FNDC3B: variants seen among roughly 807,000 people sequenced by gnomAD.
FNDC3B encodes the protein fibronectin type III domain containing 3B.
In FNDC3B, 12 loss-of-function variants were observed where a neutral mutation model predicts 151.5. The ratio of observed to expected loss-of-function variants is 0.08; its 90% CI spans 0.05 to 0.13. The LOEUF (loss-of-function observed/expected upper bound fraction) is 0.13. Among genes scored for constraint, FNDC3B ranks in the 10% least tolerant of loss-of-function variants. FNDC3B has a pLI of 1.00. For synonymous variants in FNDC3B, 528 were observed against 549.0 expected, an observed-to-expected ratio of 0.96 and a Z score of 0.54; for missense variants, 1,214 against 1,505.3, an observed-to-expected ratio of 0.81 and a Z score of 3.20.
chr3:172,392,810 C>CTTTCTTTTTTTTT lies in FNDC3B; in HGVS notation c.3304-4351_3304-4350insCTTTTTTTTTTTT, dbSNP rs1491505881. On this transcript the variant is annotated intron_variant, in intron 25 of 25. Transcript: ENST00000415807. The stretch of plus-strand genomic sequence containing the variant: ...GAATGAATTTTTTCTTTTTTTTTTT[C>CTTTCTTTTTTTTT]TTTTTTTTTTTTCAGACAGAGAGTA... 1.2e-3 allele frequency among the ~76,000 whole-genome samples: 118 copies of CTTTCTTTTTTTTT among 99,886 alleles called. 4 individuals are homozygous for CTTTCTTTTTTTTT. Among genetic ancestry groups the CTTTCTTTTTTTTT allele is most frequent in the African/African-American group, 4.0e-3 (112 of 27,928 alleles). 65.5% of individuals were successfully genotyped at this position (99,886 alleles called of 152,430 possible).
intron 3 of FNDC3B, among the ~76,000 whole-genome samples, chr3:172,176,027 C>G (rs1451338897): frequency 1.3e-5 from 2 of 152,234 alleles, no homozygotes; most frequent in Admixed American, 6.5e-5. Context: ...GCAAGCCCCA[C>G]TTGGCTAAAA....
chr3:172,051,147 G>A (rs1450789109), intron 1 of FNDC3B, among the ~76,000 whole-genome samples: 7 of 148,778 alleles, frequency 4.7e-5, no homozygotes, highest in African/African-American at 1.7e-4. Context: ...GCAATGGCGC[G>A]ATCTCGGCTC....
chr3:172,256,276 C>T (rs1440027576), intron 6 of FNDC3B, among the ~76,000 whole-genome samples: 1 of 152,204 alleles, frequency 6.6e-6, no homozygotes, highest in Non-Finnish European at 1.5e-5. Flanking sequence ...GCTCAGTTAT[C>T]ACCTCCTCTG....
intron 3 of FNDC3B, among the ~76,000 whole-genome samples, chr3:172,220,524 GA>G (rs1726225998): frequency 6.6e-6 from 1 of 152,134 alleles, no homozygotes; most frequent in East Asian, 1.9e-4. Flanking sequence ...TAATTTTGAT[GA>G]AGTTCATTTT....
At chr3:172,119,026 C>T (rs1232134568) in intron 2 of FNDC3B, among the ~76,000 whole-genome samples, 2 of 151,796 alleles carry the variant, frequency 1.3e-5, no homozygotes, top group Non-Finnish European at 1.5e-5. Flanking sequence ...AAAAATTAGC[C>T]AGGCGTGGTG....
At chr3:172,285,730 G>A (rs998339144) in intron 6 of FNDC3B, among the ~76,000 whole-genome samples, 196 bp from the exon 7 acceptor site, 2 of 152,158 alleles carry the variant, frequency 1.3e-5, no homozygotes, top group African/African-American at 4.8e-5. Flanking sequence ...ACAAGTCAGT[G>A]AACCATAGTG....
In FNDC3B at chr3:172,327,424, G is replaced by A. The variant is rs375288023; in HGVS notation, c.1255-1528G>A. On this transcript the variant is annotated intron_variant, in intron 11 of 25. Coordinates refer to ENST00000415807, the MANE Select transcript of FNDC3B (RefSeq NM_022763.4). ...GGGGGGCGGGGCGGGGCAGGAGGAC[G>A]GAATCTCACTCTGTCGCCCACACTG... 3.9e-5 allele frequency among the ~76,000 whole-genome samples: 6 copies of A among 152,240 alleles called. 1 individual carries two copies. The South Asian group carries it at 8.3e-4, about 21-fold the overall frequency.
At chr3:172,196,860 CT>C (rs1724861477) in intron 3 of FNDC3B, among the ~76,000 whole-genome samples, 1 of 152,108 alleles carries the variant, frequency 6.6e-6, no homozygotes, top group Admixed American at 6.6e-5. Flanking sequence ...TAAATATATG[CT>C]TTCGGTTATT....
chr3:172,148,371 G>A (rs1722024466), intron 3 of FNDC3B, among the ~76,000 whole-genome samples: 1 of 148,606 alleles, frequency 6.7e-6, no homozygotes, highest in Non-Finnish European at 1.5e-5. Context: ...CCAATGTGGA[G>A]GGTAAAAAAA....
chr3:172,135,422 A>C (rs1721311840), intron 3 of FNDC3B, among the ~76,000 whole-genome samples: 1 of 152,066 alleles, frequency 6.6e-6, no homozygotes, highest in Non-Finnish European at 1.5e-5. Flanking sequence ...GGAGCTTTGT[A>C]TTTATTCATG....
At chr3:172,359,807 G>C (rs1462607222) in intron 22 of FNDC3B, among the ~76,000 whole-genome samples, 1 of 152,120 alleles carries the variant, frequency 6.6e-6, no homozygotes. Context: ...CAAAAGACTT[G>C]ATGCAGCCCC....
At chr3:172,203,471 T>G (rs775860025) in intron 3 of FNDC3B, among the ~76,000 whole-genome samples, 64 of 152,196 alleles carry the variant, frequency 4.2e-4, no homozygotes, top group Admixed American at 8.5e-4. Context: ...TCCTAGCCAG[T>G]TTTTCTATCT....
chr3:172,137,539 C>A (rs1434860562), intron 3 of FNDC3B, among the ~76,000 whole-genome samples: 2 of 152,026 alleles, frequency 1.3e-5, no homozygotes, highest in African/African-American at 4.8e-5. Context: ...GCCTGTAGTC[C>A]CAGCTGCTCA....
chr3:172,206,335 G>GT (rs1426596898), intron 3 of FNDC3B, among the ~76,000 whole-genome samples: 1 of 152,130 alleles, frequency 6.6e-6, no homozygotes, highest in Non-Finnish European at 1.5e-5. Flanking sequence ...TTGTTTGTAA[G>GT]TTATTTCTTG....
intron 1 of FNDC3B, among the ~76,000 whole-genome samples, chr3:172,042,953 A>C (rs573693489): frequency 1.3e-4 from 20 of 150,390 alleles, no homozygotes; most frequent in African/African-American, 4.9e-4. Context: ...CTCGCTCTGT[A>C]GCCCAGGCTG....
Position 172,343,106 on chromosome 3 carries a change from C to T in FNDC3B, c.2067C>T (p.His689=), listed in dbSNP as rs970837598. The change falls in exon 18 of 26, where the codon CAC becomes CAT. Residue 689 remains histidine (H), a synonymous_variant. Transcript: ENST00000415807. ...VLGRPKHKEV[H]LEWDVPASES... is the part of the protein sequence containing the mutation. ...GTAGACCAAAGCACAAAGAAGTCCA[C>T]TTAGAGTGGGGTGAGTGAACTAACC... 2 of 1,583,816 alleles carry T rather than the reference C, an allele frequency of 1.3e-6. No homozygotes were observed. The highest frequency in any genetic ancestry group is 1.3e-5 in the African/African-American group (1 of 74,316).
chr3:172,281,015 G>T (rs1729681716), intron 6 of FNDC3B, among the ~76,000 whole-genome samples: 1 of 151,548 alleles, frequency 6.6e-6, no homozygotes, highest in Non-Finnish European at 1.5e-5. Flanking sequence ...AGAAAGACTT[G>T]TGTCTCTAAG....
At position 172,251,465 on chromosome 3, in the gene FNDC3B, C is replaced by A. The variant is rs151151218; in HGVS notation, c.714C>A (p.Ser238Arg). Residue 238 changes from serine to arginine, a missense_variant, in exon 6 of 26, where the codon AGC (serine) becomes AGA (arginine). Physicochemically the swap from Ser to Arg is moderately radical, Grantham distance 110 (BLOSUM62 -1). Transcript: ENST00000415807. ...GTGGTGGAAGTGGCGGAGGCGGCAG[C>A]GGTAGTGGTCCCGGAATTAAGAAAA... ...GHSGGSGGGG[S>R]GSGPGIKKTE... 13 of 1,614,016 alleles carry A rather than the reference C, an allele frequency of 8.1e-6. No homozygotes were observed. The highest frequency in any genetic ancestry group is 1.1e-5 in the Non-Finnish European group (13 of 1,179,990).
At chr3:172,163,481 T>C (rs1398292033) in intron 3 of FNDC3B, among the ~76,000 whole-genome samples, 1 of 152,170 alleles carries the variant, frequency 6.6e-6, no homozygotes, top group African/African-American at 2.4e-5. Context: ...CTTTATAGTT[T>C]TACTGTATGT....
Sources: gnomAD v4.1 joint callset for allele counts (sites outside exome capture counted in the v4.1 genomes callset) on GRCh38, gnomAD v4.1.1 for gene constraint, MANE v1.5 for transcripts, NCBI Gene and HGNC (gene_info 2026-07-23, HGNC 2026-07-21) for gene names.